Variants in DIP2A observed in about 807,000 individuals in gnomAD.
The protein encoded by DIP2A is DIP2 acetate--CoA ligase A, also known as disco-interacting protein 2 homolog A.
Under a neutral mutation model 177.4 loss-of-function variants are expected in DIP2A, and 85 were observed. The ratio of observed to expected loss-of-function variants is 0.48; its 90% CI spans 0.40 to 0.57. The LOEUF (loss-of-function observed/expected upper bound fraction) is 0.57, where lower values mean the gene tolerates loss of function less well. Ranked by LOEUF, DIP2A falls within the 20% of genes least tolerant of loss-of-function variation. The pLI, the probability that DIP2A is intolerant of heterozygous loss-of-function variation, is 0.00. For synonymous variants in DIP2A, 886 were observed against 881.8 expected, an observed-to-expected ratio of 1.00 and a Z score of -0.08; for missense variants, 1,791 against 2,100.2, an observed-to-expected ratio of 0.85 and a Z score of 2.88.
intron 8 of DIP2A, among the ~76,000 whole-genome samples, chr21:46,524,988 C>T (rs1050253455): frequency 2.4e-4 from 32 of 135,456 alleles, no homozygotes; most frequent in Non-Finnish European, 1.4e-4. Context: ...CCGGATCAAA[C>T]AATTATTACG....
intron 16 of DIP2A, 120 bp downstream of exon 16, chr21:46,538,722 A>G (rs2059676679): frequency 1.5e-6 from 2 of 1,365,978 alleles, no homozygotes; most frequent in South Asian, 1.4e-5. Flanking sequence ...ATAGATACAC[A>G]TGTCCCATCG....
intron 2 of DIP2A, among the ~76,000 whole-genome samples, chr21:46,486,035 C>T (rs1381136241): frequency 4.3e-5 from 6 of 138,228 alleles, no homozygotes; most frequent in South Asian, 2.3e-4. Flanking sequence ...TGTGCCACTG[C>T]ACTCCAGCCT....
rs549184868 is a variant in DIP2A at position 46,541,626 on chromosome 21, T to G, written c.2037-130T>G. On this transcript the variant is annotated intron_variant, in intron 17 of 37. Transcript: ENST00000417564. ...GAGACATTGCAGCATCTTTAGAACA[T>G]GCGTTTCTCACAAGTCTGTAACATG... The G allele has an allele frequency of 3.8e-6, 4 of 1,043,680 alleles. No homozygotes were observed. In the Admixed American group the frequency reaches 8.1e-5, roughly 21 times the overall value. 64.7% of individuals were successfully genotyped at this position (1,043,680 alleles called of 1,614,324 possible).
In DIP2A at chr21:46,557,891, G is replaced by A. The variant is rs1486042805; in HGVS notation, c.3798+138G>A. On this transcript the variant is annotated intron_variant, in intron 31 of 37. Transcript: ENST00000417564. The surrounding 1 kb of genome is among the most constrained non-coding windows in gnomAD (Gnocchi z 6.0). ...TAGAGAAAACCCTTTCCCACTAGGG[G>A]CCCTATGTACACATCTGTCCTCCCA... is the stretch of plus-strand genomic sequence containing the variant. 6.3e-6 allele frequency: 7 copies of A among 1,113,598 alleles called. No homozygotes were observed. Among genetic ancestry groups the A allele is most frequent in the Non-Finnish European group, 7.5e-6 (6 of 797,618 alleles). The allele number at this position is 1,113,598 out of a possible 1,614,324, so 69.0% of individuals were successfully genotyped here.
At position 46,566,630 on chromosome 21, in the gene DIP2A, C is replaced by T. The variant is rs780517888; in HGVS notation, c.4410C>T (p.His1470=). The T allele has an allele frequency of 1.9e-6, 3 of 1,614,226 alleles. No individual in the cohort carries two copies. The highest frequency in any genetic ancestry group is 2.5e-6 in the Non-Finnish European group (3 of 1,180,036). Residue 1470 remains histidine (H), a synonymous_variant, in exon 37 of 38, where the codon CAC becomes CAT. Transcript: ENST00000417564. ...ETLELRGMRY[H]PIDIETSVIR... is the part of the protein sequence containing the mutation. ...TGGAGCTCAGAGGCATGCGGTACCA[C>T]CCCATCGACATTGAGACCTCTGTCA...
At position 46,538,486 on chromosome 21, in the gene DIP2A, G is replaced by C; in HGVS notation, c.1805G>C (p.Arg602Pro). The change falls in exon 16 of 38, where the codon CGG becomes CCG. Residue 602 changes from arginine to proline, a missense_variant. Transcript: ENST00000417564. ...CTGTGCCATCCTCTCTCTGCAGCTC[G>C]GGCCGCGCTGGTGAAGTCGCGAGAC... ...WIQKVCFYKA[R>P]AALVKSRDMH... The C allele has an allele frequency of 3.9e-6, 6 of 1,544,524 alleles. No individual in the cohort carries two copies. Among genetic ancestry groups the C allele is most frequent in the Non-Finnish European group, 4.4e-6 (5 of 1,147,610 alleles).
Position 46,546,992 on chromosome 21 carries a change from T to G in DIP2A, c.2472T>G (p.Val824=). ...TTCGCAGACACAATGCAGATGACGT[T>G]GTGGCCACCGCACTGGCCGTGGAGC... ...TGVRRHNADD[V]VATALAVEPM... The change falls in exon 21 of 38, where the codon GTT becomes GTG. Residue 824 remains valine, a synonymous_variant. Coordinates refer to ENST00000417564, the MANE Select transcript of DIP2A (RefSeq NM_015151.4). 6.2e-7 allele frequency: 1 copy of G among 1,613,936 alleles called. No individual in the cohort carries two copies. The highest frequency in any genetic ancestry group is 8.5e-7 in the Non-Finnish European group (1 of 1,179,838).
At chr21:46,546,426 C>T in intron 20 of DIP2A, 3 of 522,586 alleles carry the variant, frequency 5.7e-6, no homozygotes, top group South Asian at 6.7e-5. Flanking sequence ...GTGCTCCTGG[C>T]ATCTAGTGAG....
chr21:46,490,363 C>A (rs967268765), intron 2 of DIP2A, among the ~76,000 whole-genome samples: 7 of 152,090 alleles, frequency 4.6e-5, no homozygotes, highest in African/African-American at 1.7e-4. Context: ...TGATCATCAC[C>A]CTTCATGCGG....
chr21:46,467,375 G>GT (rs1665436441), intron 1 of DIP2A, among the ~76,000 whole-genome samples: 1 of 151,074 alleles, frequency 6.6e-6, no homozygotes, highest in Non-Finnish European at 1.5e-5. Context: ...TTGTTTGTTT[G>GT]TTTGTTTTTT....
chr21:46,495,240 T>TCTCTCTCTCTCTCTCTC (rs60545868), intron 3 of DIP2A, among the ~76,000 whole-genome samples: 14 of 47,900 alleles, frequency 2.9e-4, no homozygotes, highest in Non-Finnish European at 4.1e-4. Flanking sequence ...TTCTCTTCTC[T>TCTCTCTCTCTCTCTCTC]TCTTTCTCTC....
At chr21:46,561,871 G>A (rs545679750) in intron 34 of DIP2A, 66 bp downstream of exon 34, 21 of 1,602,544 alleles carry the variant, frequency 1.3e-5, no homozygotes, top group Admixed American at 5.0e-5. Flanking sequence ...GCATCACCCC[G>A]TGGAGGGTGC....
intron 13 of DIP2A, among the ~76,000 whole-genome samples, chr21:46,536,051 TCACTG>T (rs1046184664): frequency 3.9e-5 from 6 of 152,234 alleles, no homozygotes; most frequent in African/African-American, 2.4e-5. Context: ...CTATGAATAT[TCACTG>T]CACTGCAGCC....
chr21:46,528,527 CTTTTTTTTTTTTTTTTTT>C (rs1162872343), intron 8 of DIP2A, among the ~76,000 whole-genome samples: 5,840 of 29,474 alleles, frequency 0.2, 356 homozygotes, highest in Non-Finnish European at 0.21. Flanking sequence ...TTTCTGCTTG[CTTTTTTTTTTTTTTTTTT>C]TTTTTTTTTT....
intron 5 of DIP2A, among the ~76,000 whole-genome samples, chr21:46,503,628 C>CT (rs200659741): frequency 1.6e-5 from 2 of 123,680 alleles, no homozygotes; most frequent in African/African-American, 6.3e-5. Flanking sequence ...TTCTTTCTTT[C>CT]TTTCTTTCCT....
At chr21:46,484,907 T>G (rs2056587499) in intron 2 of DIP2A, 79 bp downstream of exon 2, 1 of 1,373,504 alleles carries the variant, frequency 7.3e-7, no homozygotes, top group African/African-American at 1.5e-5. Context: ...TTTTAGAGTT[T>G]AACATTTGTT....
chr21:46,524,823 C>T (rs1189013668), intron 8 of DIP2A, among the ~76,000 whole-genome samples: 1 of 146,532 alleles, frequency 6.8e-6, no homozygotes, highest in East Asian at 2.1e-4. Flanking sequence ...GCTTAGTGAA[C>T]AGAAGTTCTA....
chr21:46,574,575 G>C (rs1483479442), downstream of DIP2A, among the ~76,000 whole-genome samples: 2 of 151,868 alleles, frequency 1.3e-5, no homozygotes, highest in South Asian at 4.1e-4. Flanking sequence ...TAGCTAGATG[G>C]ACCAAGAAAA....
In DIP2A at chr21:46,545,074, A is replaced by T. The variant is rs1293832136; in HGVS notation, c.2177-63A>T. The stretch of plus-strand genomic sequence containing the variant: ...TAACCGCACATACAGCAGCAAGGAG[A>T]TCTTTGTGAGTGATCCATTTAAACA... On this transcript the variant is annotated intron_variant, in intron 18 of 37. Transcript: ENST00000417564. 7.4e-6 allele frequency: 11 copies of T among 1,483,730 alleles called. No individual in the cohort carries two copies. In the Admixed American group the frequency reaches 2.3e-4, roughly 32 times the overall value. 91.9% of individuals were successfully genotyped at this position (1,483,730 alleles called of 1,614,324 possible). A position where few individuals can be genotyped will look rare whatever the true frequency, so the allele number is the denominator to read the frequency against.
Sources: allele counts gnomAD v4.1 joint callset (sites outside exome capture counted in the v4.1 genomes callset), GRCh38; gene constraint gnomAD v4.1.1; non-coding constraint Gnocchi (gnomAD v3.1); transcripts MANE v1.5; gene names NCBI Gene and HGNC (gene_info 2026-07-23, HGNC 2026-07-21).